The following PTPRR variants were observed in gnomAD, a reference collection of about 807,000 sequenced individuals.
PTPRR encodes protein tyrosine phosphatase receptor type R, also known as receptor-type tyrosine-protein phosphatase R.
PTPRR carries 38 observed loss-of-function variants against 77.2 expected under a neutral mutation model. The observed-to-expected ratio is 0.49, with a 90% confidence interval of 0.38 to 0.65. The LOEUF (loss-of-function observed/expected upper bound fraction) is 0.65, where lower values mean the gene tolerates loss of function less well. Among genes scored for constraint, PTPRR ranks in the 30% least tolerant of loss-of-function variants. The probability of loss-of-function intolerance (pLI) is 0.00; values close to 1 mark genes in which losing one functional copy is unlikely to be tolerated. For synonymous variants in PTPRR, 299 were observed against 283.1 expected (o/e 1.06, Z -0.57); for missense variants, 744 against 799.2 (o/e 0.93, Z 0.83).
intron 6 of PTPRR, among the ~76,000 whole-genome samples, chr12:70,723,603 A>G (rs1889335569): frequency 6.6e-6 from 1 of 152,224 alleles, no homozygotes; most frequent in Admixed American, 6.5e-5. Flanking sequence ...TCTCAAGTGT[A>G]CACACAGATT....
intron 2 of PTPRR, among the ~76,000 whole-genome samples, chr12:70,800,858 G>A (rs1891602818): frequency 6.6e-6 from 1 of 150,644 alleles, no homozygotes; most frequent in Non-Finnish European, 1.5e-5. Flanking sequence ...TCGCACTATT[G>A]CACTCCAGCC....
intron 12 of PTPRR, among the ~76,000 whole-genome samples, chr12:70,658,285 A>G (rs77568348): frequency 0.031 from 4,721 of 152,338 alleles, 98 homozygotes; most frequent in Non-Finnish European, 0.046. Flanking sequence ...GTTCAGCATT[A>G]TTCCAATTTT....
chr12:70,917,823 A>G (rs565814302), intron 1 of PTPRR, among the ~76,000 whole-genome samples: 2 of 152,298 alleles, frequency 1.3e-5, no homozygotes, highest in Admixed American at 6.5e-5. Flanking sequence ...AAGAACACTT[A>G]CATCCCGTTA....
At chr12:70,782,341 A>G (rs1891220435) in intron 2 of PTPRR, among the ~76,000 whole-genome samples, 1 of 152,188 alleles carries the variant, frequency 6.6e-6, no homozygotes, top group South Asian at 2.1e-4. Context: ...ATTACTGGGT[A>G]TATACCCAAA....
Position 70,764,406 on chromosome 12 carries a change from T to A in PTPRR, c.471+259A>T, listed in dbSNP as rs530517449. On this transcript the variant is annotated intron_variant, in intron 3 of 13. Coordinates refer to ENST00000283228, the MANE Select transcript of PTPRR (RefSeq NM_002849.4). Reference sequence around the variant, plus strand: ...TGACAGAGTTAACAAACTTCCTCTATAAAGGGCCAGATGATAAACAGTTTA... The same window carrying A: ...TGACAGAGTTAACAAACTTCCTCTAAAAAGGGCCAGATGATAAACAGTTTA... Among the ~76,000 whole-genome samples, 14 of 152,276 alleles carry A rather than the reference T, an allele frequency of 9.2e-5. 1 individual carries two copies. The South Asian group carries it at 2.7e-3, about 29-fold the overall frequency.
intron 6 of PTPRR, among the ~76,000 whole-genome samples, chr12:70,727,965 T>C (rs1044544891): frequency 2.6e-5 from 4 of 152,134 alleles, no homozygotes; most frequent in Non-Finnish European, 5.9e-5. Context: ...TCAAAACAAG[T>C]GCATGCAGAG....
intron 2 of PTPRR, among the ~76,000 whole-genome samples, chr12:70,767,392 C>T (rs1275320652): frequency 9.4e-5 from 14 of 148,732 alleles, no homozygotes; most frequent in African/African-American, 1.2e-4. Context: ...AGACTTTAAA[C>T]CAACAAAGAT....
At chr12:70,642,152 T>A (rs1014469497) in intron 13 of PTPRR, among the ~76,000 whole-genome samples, 1 of 151,974 alleles carries the variant, frequency 6.6e-6, no homozygotes, top group Non-Finnish European at 1.5e-5. Context: ...GGTGGTGAGG[T>A]CCCCCAGTGC....
chr12:70,822,404 A>T (rs2137041857), intron 2 of PTPRR, among the ~76,000 whole-genome samples: 1 of 152,340 alleles, frequency 6.6e-6, no homozygotes, highest in East Asian at 1.9e-4. Flanking sequence ...GTGGAAATTA[A>T]TGCCAGAACT....
chr12:70,804,638 TGGCTCAATACAA>T (rs1250689811), intron 2 of PTPRR, among the ~76,000 whole-genome samples: 2 of 152,150 alleles, frequency 1.3e-5, no homozygotes, highest in Admixed American at 1.3e-4. Flanking sequence ...AATATCCATA[TGGCTCAATACAA>T]TTTAAGAAAG....
At chr12:70,669,080 G>T (rs1313252003) in intron 10 of PTPRR, among the ~76,000 whole-genome samples, 1 of 152,100 alleles carries the variant, frequency 6.6e-6, no homozygotes, top group Non-Finnish European at 1.5e-5. Context: ...AATTATTAAT[G>T]ACATGGAGAA....
intron 5 of PTPRR, among the ~76,000 whole-genome samples, chr12:70,752,065 A>C (rs1328538048): frequency 6.6e-6 from 1 of 152,064 alleles, no homozygotes; most frequent in Non-Finnish European, 1.5e-5. Context: ...CCTGAATGTC[A>C]TATAGTTGGA....
intron 1 of PTPRR, among the ~76,000 whole-genome samples, chr12:70,906,284 G>A (rs1465679430): frequency 1.3e-5 from 2 of 151,892 alleles, no homozygotes; most frequent in African/African-American, 4.8e-5. Context: ...ATATATTTCA[G>A]TAAAAAAGAA....
chr12:70,754,158 CA>C (rs753780790), intron 5 of PTPRR, 32 bp downstream of exon 5: 1 of 1,600,260 alleles, frequency 6.2e-7, no homozygotes, highest in Non-Finnish European at 8.5e-7. Context: ...GTGGGCTGAG[CA>C]AAGGATAAAA....
chr12:70,810,089 A>C (rs1234298029), intron 2 of PTPRR, among the ~76,000 whole-genome samples: 3 of 152,038 alleles, frequency 2.0e-5, no homozygotes, highest in Admixed American at 2.0e-4. Flanking sequence ...TAGTGACGTC[A>C]TCATGTTTCA....
At chr12:70,757,857 A>G (rs1003308442) in intron 4 of PTPRR, among the ~76,000 whole-genome samples, 1 of 152,232 alleles carries the variant, frequency 6.6e-6, no homozygotes, top group Admixed American at 6.5e-5. Flanking sequence ...AAGTTGTTAT[A>G]AAAGATTAAC....
intron 2 of PTPRR, among the ~76,000 whole-genome samples, chr12:70,768,441 T>C (rs11524577): frequency 0.067 from 10,133 of 152,210 alleles, 366 homozygotes; most frequent in Middle Eastern, 0.099. Context: ...CACATGCACT[T>C]TCCCAAGACT....
At chr12:70,881,727 G>A (rs954114583) in intron 2 of PTPRR, among the ~76,000 whole-genome samples, 3 of 152,228 alleles carry the variant, frequency 2.0e-5, no homozygotes, top group Admixed American at 6.5e-5. Context: ...TTTAGAAAAC[G>A]TCTTAAGTAG....
chr12:70,861,907 G>C (rs2030564646), intron 2 of PTPRR, among the ~76,000 whole-genome samples: 1 of 152,116 alleles, frequency 6.6e-6, no homozygotes, highest in Admixed American at 6.6e-5. Context: ...CTGTAAACTT[G>C]AGTTCAGAAA....
Sources: allele counts gnomAD v4.1 joint callset (sites outside exome capture counted in the v4.1 genomes callset), GRCh38; gene constraint gnomAD v4.1.1; transcripts MANE v1.5; gene names NCBI Gene and HGNC (gene_info 2026-07-23, HGNC 2026-07-21).